ACSL1: variants seen among roughly 807,000 people sequenced by gnomAD.
ACSL1 encodes the protein acyl-CoA synthetase long chain family member 1.
ACSL1 carries 41 observed loss-of-function variants against 98.4 expected under a neutral mutation model. The ratio of observed to expected loss-of-function variants is 0.42; its 90% confidence interval spans 0.32 to 0.54. The LOEUF (loss-of-function observed/expected upper bound fraction) is 0.54. ACSL1 is among the 20% of genes least tolerant of loss of function. The pLI, the probability that ACSL1 is intolerant of heterozygous loss-of-function variation, is 0.13. For synonymous variants in ACSL1, 316 were observed against 322.7 expected, an observed-to-expected ratio of 0.98 and a Z score of 0.22; for missense variants, 734 against 883.1, an observed-to-expected ratio of 0.83 and a Z score of 2.14.
chr4:184,814,927 G>C, intron 1 of ACSL1: 2 of 427,506 alleles, frequency 4.7e-6, no homozygotes, highest in South Asian at 1.6e-5. Flanking sequence ...GCAACACTCT[G>C]AACATTCCAG....
intron 2 of ACSL1, among the ~76,000 whole-genome samples, chr4:184,793,531 C>T (rs1182812750): frequency 6.6e-6 from 1 of 152,216 alleles, no homozygotes; most frequent in African/African-American, 2.4e-5. Context: ...CCAAGCTTTA[C>T]CACTCATAGA....
intron 18 of ACSL1, among the ~76,000 whole-genome samples, chr4:184,759,180 G>A (rs1314446342): frequency 6.6e-6 from 1 of 152,042 alleles, no homozygotes; most frequent in African/African-American, 2.4e-5. Flanking sequence ...CCAAGTCTTT[G>A]CTATTGTGAA....
Position 184,788,639 on chromosome 4 carries a change from G to A in ACSL1, c.288C>T (p.Phe96=). 6.2e-7 allele frequency: 1 copy of A among 1,614,092 alleles called. No homozygotes were observed. Among genetic ancestry groups the A allele is most frequent in the Non-Finnish European group, 8.5e-7 (1 of 1,179,998 alleles). Residue 96 remains phenylalanine, a synonymous_variant, in exon 3 of 21, where the codon TTC becomes TTT. Coordinates refer to ENST00000281455, the MANE Select transcript of ACSL1 (RefSeq NM_001995.5). ...YDDVTTLYEG[F]QRGIQVSNNG... The stretch of plus-strand genomic sequence containing the variant: ...TACTTGACACCTGTATTCCCCTCTG[G>A]AAACCTTCGTATAATGTTGTGACAT...
chr4:184,793,960 A>T (rs1172169690), intron 2 of ACSL1, among the ~76,000 whole-genome samples: 1 of 152,208 alleles, frequency 6.6e-6, no homozygotes, highest in Admixed American at 6.5e-5. Flanking sequence ...GTATACTCTA[A>T]ATGGTCTCTA....
chr4:184,820,443 C>A (rs143193517), intron 1 of ACSL1, among the ~76,000 whole-genome samples: 2,687 of 152,274 alleles, frequency 0.018, 91 homozygotes, highest in African/African-American at 0.06. Context: ...CCCTGAGCCA[C>A]GCTGAATCAA....
intron 3 of ACSL1, chr4:184,788,274 T>C (rs1205165083): frequency 2.6e-6 from 1 of 380,496 alleles, no homozygotes; most frequent in Non-Finnish European, 5.1e-6. Flanking sequence ...ATGGGTCTCA[T>C]GGTCAAGTAA....
intron 2 of ACSL1, among the ~76,000 whole-genome samples, chr4:184,794,342 A>G (rs141200778): frequency 0.013 from 1,985 of 152,304 alleles, 21 homozygotes; most frequent in Middle Eastern, 0.027. Flanking sequence ...CCCCCTCCAC[A>G]ATAATTTCTA....
chr4:184,825,602 C>T lies in ACSL1; in HGVS notation c.-33+314G>A, dbSNP rs1773415391. Among the ~76,000 whole-genome samples, 1 of 151,150 alleles carries T rather than the reference C, an allele frequency of 6.6e-6. No homozygotes were observed. Among genetic ancestry groups the T allele is most frequent in the African/African-American group, 2.4e-5 (1 of 41,334 alleles). On this transcript the variant is annotated intron_variant, in intron 1 of 20. Coordinates refer to ENST00000281455, the MANE Select transcript of ACSL1 (RefSeq NM_001995.5). The surrounding 1 kb of genome is among the most constrained non-coding windows in gnomAD (Gnocchi z 4.7). ...TGCTTCGCCGGGCCGGTCCCCGCCGCCGCACACACAAGGGTCGGTCCCGCG... is the reference window on the plus strand; with the variant it reads ...TGCTTCGCCGGGCCGGTCCCCGCCGTCGCACACACAAGGGTCGGTCCCGCG...
intron 1 of ACSL1, among the ~76,000 whole-genome samples, chr4:184,811,148 G>T (rs144720736): frequency 6.6e-6 from 1 of 151,954 alleles, no homozygotes; most frequent in Non-Finnish European, 1.5e-5. Flanking sequence ...TCACTTTGTC[G>T]CCCAGGCTGG....
chr4:184,814,002 C>T (rs953649581), intron 1 of ACSL1: 1 of 415,086 alleles, frequency 2.4e-6, no homozygotes. Flanking sequence ...AGAATATGAA[C>T]ATGTAAGGCT....
chr4:184,793,238 G>A (rs1420438886), intron 2 of ACSL1, among the ~76,000 whole-genome samples: 1 of 150,678 alleles, frequency 6.6e-6, no homozygotes, highest in African/African-American at 2.4e-5. Flanking sequence ...CCACTACAGT[G>A]AAATCGGTGG....
upstream of ACSL1, chr4:184,826,099 T>TCCCGCGGCCCCGCCCG (rs1773474209): frequency 6.9e-6 from 1 of 145,460 alleles, no homozygotes; most frequent in Admixed American, 6.8e-5. Context: ...GGCCCCGCCC[T>TCCCGCGGCCCCGCCCG]CCCGCGGCCC....
chr4:184,768,196 T>G, intron 12 of ACSL1, 120 bp downstream of exon 12: 3 of 1,092,036 alleles, frequency 2.7e-6, no homozygotes, highest in Non-Finnish European at 3.8e-6. Context: ...ACTGAAGTTC[T>G]GTAAGATTGG....
chr4:184,777,839 C>T (rs1765549367), intron 5 of ACSL1, among the ~76,000 whole-genome samples: 2 of 151,922 alleles, frequency 1.3e-5, no homozygotes, highest in Admixed American at 1.3e-4. Context: ...GAGGGGATGG[C>T]AGGATCAAAA....
At chr4:184,817,263 T>G (rs755476677) in intron 1 of ACSL1, among the ~76,000 whole-genome samples, 2 of 152,140 alleles carry the variant, frequency 1.3e-5, no homozygotes, top group Non-Finnish European at 2.9e-5. Flanking sequence ...AGGAGTTAAC[T>G]TTCTGGTTCT....
intron 1 of ACSL1, among the ~76,000 whole-genome samples, chr4:184,812,928 G>A (rs1309080507): frequency 6.6e-6 from 1 of 152,070 alleles, no homozygotes; most frequent in Non-Finnish European, 1.5e-5. Flanking sequence ...CCCACGCGAG[G>A]GCTCTAGTGA....
intron 16 of ACSL1, 103 bp downstream of exon 16, chr4:184,763,064 T>TGA: frequency 1.7e-6 from 2 of 1,201,480 alleles, no homozygotes; most frequent in Non-Finnish European, 2.3e-6. Flanking sequence ...TGAAGTCAAG[T>TGA]TCAATGGCTT....
chr4:184,818,432 G>C (rs910144688), intron 1 of ACSL1, among the ~76,000 whole-genome samples: 1 of 152,198 alleles, frequency 6.6e-6, no homozygotes, highest in Non-Finnish European at 1.5e-5. Flanking sequence ...TTCACTCAGT[G>C]AAAGCACAGG....
chr4:184,777,512 G>C (rs1051540122), intron 5 of ACSL1, among the ~76,000 whole-genome samples: 22 of 151,358 alleles, frequency 1.5e-4, no homozygotes, highest in African/African-American at 5.1e-4. Context: ...GAAGGAAAGA[G>C]AGAGAGAGAA....
Sources: allele counts gnomAD v4.1 joint callset (sites outside exome capture counted in the v4.1 genomes callset), GRCh38; gene constraint gnomAD v4.1.1; non-coding constraint Gnocchi (gnomAD v3.1); transcripts MANE v1.5; gene names NCBI Gene and HGNC (gene_info 2026-07-23, HGNC 2026-07-21).